Variants in NRG3 observed in about 807,000 individuals in gnomAD.
The protein encoded by NRG3 is pro-neuregulin-3, membrane-bound isoform.
NRG3 carries 31 observed loss-of-function variants against 66.9 expected under a neutral mutation model. The observed-to-expected ratio is 0.46, with a 90% CI of 0.35 to 0.63. The LOEUF (loss-of-function observed/expected upper bound fraction) is 0.63, where lower values mean the gene tolerates loss of function less well. Ranked by LOEUF, NRG3 falls within the 20% of genes least tolerant of loss-of-function variation. The probability of loss-of-function intolerance (pLI) is 0.00; values close to 1 mark genes in which losing one functional copy is unlikely to be tolerated. For missense variants in NRG3, 910 were observed against 878.9 expected, an observed-to-expected ratio of 1.04 and a Z score of -0.45; for synonymous variants, 393 against 359.4, an observed-to-expected ratio of 1.09 and a Z score of -1.06.
chr10:82,790,780 C>A (rs1362617098), intron 3 of NRG3, among the ~76,000 whole-genome samples: 1 of 151,570 alleles, frequency 6.6e-6, no homozygotes, highest in Non-Finnish European at 1.5e-5. Context: ...TTTTTTATTT[C>A]TGTTTCTCAA....
chr10:82,372,488 A>AT (rs2084950929), intron 2 of NRG3, among the ~76,000 whole-genome samples: 1 of 152,222 alleles, frequency 6.6e-6, no homozygotes, highest in Non-Finnish European at 1.5e-5. Flanking sequence ...TGAAATTAAG[A>AT]TTTTTTAAAT....
chr10:81,900,204 C>T (rs1366945619), intron 1 of NRG3, among the ~76,000 whole-genome samples: 2 of 151,792 alleles, frequency 1.3e-5, no homozygotes, highest in East Asian at 3.9e-4. Flanking sequence ...CCGCCTTGGC[C>T]TCCCAAAGTG....
chr10:82,018,224 T>C (rs1014828151), intron 1 of NRG3, among the ~76,000 whole-genome samples: 1 of 152,166 alleles, frequency 6.6e-6, no homozygotes, highest in Non-Finnish European at 1.5e-5. Flanking sequence ...TTGTCAGGTT[T>C]GTCAAAGATC....
intron 1 of NRG3, among the ~76,000 whole-genome samples, chr10:82,294,721 G>T (rs777873102): frequency 1.3e-5 from 2 of 152,062 alleles, no homozygotes; most frequent in Non-Finnish European, 2.9e-5. Context: ...GGGTTCTTCT[G>T]TGATTTTTCC....
rs187271450 is a variant in NRG3 at position 81,969,798 on chromosome 10, T to C, written c.823+93635T>C. Among the ~76,000 whole-genome samples, 330 of 149,994 alleles carry C rather than the reference T, an allele frequency of 2.2e-3. 1 individual carries two copies. Among genetic ancestry groups the C allele is most frequent in the Middle Eastern group, 0.01 (3 of 294 alleles). ...GTGTGTGTGTGTGTGTGTGTGTGTGTGTGCACATGCACTTCTGTGTATATC... is the reference window on the plus strand; with the variant it reads ...GTGTGTGTGTGTGTGTGTGTGTGTGCGTGCACATGCACTTCTGTGTATATC... On this transcript the variant is annotated intron_variant, in intron 1 of 8. Coordinates refer to ENST00000372141, the MANE Select transcript of NRG3 (RefSeq NM_001010848.4).
At chr10:82,232,713 C>G (rs781376355) in intron 1 of NRG3, 1 of 716,648 alleles carries the variant, frequency 1.4e-6, no homozygotes, top group South Asian at 1.5e-5. Context: ...AGGAGAGACT[C>G]GAGAAAATAA....
chr10:81,894,619 G>T (rs1401201837), intron 1 of NRG3, among the ~76,000 whole-genome samples: 1 of 152,116 alleles, frequency 6.6e-6, no homozygotes, highest in African/African-American at 2.4e-5. Flanking sequence ...AGAAACACAC[G>T]CACTAATCAA....
chr10:82,910,319 G>A (rs1591922144), intron 4 of NRG3, among the ~76,000 whole-genome samples: 1 of 152,194 alleles, frequency 6.6e-6, no homozygotes, highest in Non-Finnish European at 1.5e-5. Context: ...CGATTTTGGT[G>A]TTATTGCCCC....
At chr10:82,072,498 A>C (rs2064863959) in intron 1 of NRG3, among the ~76,000 whole-genome samples, 1 of 152,250 alleles carries the variant, frequency 6.6e-6, no homozygotes, top group Non-Finnish European at 1.5e-5. Context: ...AGCAGGATAA[A>C]ATTTGTTTTC....
chr10:82,916,164 G>A (rs1261785074), intron 4 of NRG3, among the ~76,000 whole-genome samples: 2 of 152,046 alleles, frequency 1.3e-5, no homozygotes, highest in East Asian at 3.9e-4. Flanking sequence ...TTAAGGTTGG[G>A]GCAATGCCTG....
intron 1 of NRG3, among the ~76,000 whole-genome samples, chr10:81,936,754 C>CT (rs1386115717): frequency 6.6e-6 from 1 of 152,064 alleles, no homozygotes; most frequent in Non-Finnish European, 1.5e-5. Flanking sequence ...GTGATTAGTG[C>CT]TTTACCCTCC....
chr10:82,955,506 T>C (rs1333367445), intron 5 of NRG3, among the ~76,000 whole-genome samples: 1 of 151,842 alleles, frequency 6.6e-6, no homozygotes, highest in African/African-American at 2.4e-5. Flanking sequence ...AGTGTTAGAG[T>C]TCTTAGCAGA....
chr10:82,624,716 T>TAC (rs980050973), intron 2 of NRG3, among the ~76,000 whole-genome samples: 7 of 148,310 alleles, frequency 4.7e-5, no homozygotes, highest in Non-Finnish European at 1.0e-4. Context: ...TATATATATA[T>TAC]ACTATATACA....
chr10:81,903,856 CCTCA>C (rs914915161), intron 1 of NRG3, among the ~76,000 whole-genome samples: 47 of 152,018 alleles, frequency 3.1e-4, no homozygotes, highest in Non-Finnish European at 7.4e-5. Flanking sequence ...AACACTGAGC[CCTCA>C]CTCTAAATTT....
At chr10:82,702,152 T>C (rs1156505267) in intron 2 of NRG3, among the ~76,000 whole-genome samples, 1 of 152,192 alleles carries the variant, frequency 6.6e-6, no homozygotes, top group Non-Finnish European at 1.5e-5. Context: ...CAGGCTGTGA[T>C]GCATCTCATC....
chr10:82,481,809 A>G (rs1004199741), intron 2 of NRG3, among the ~76,000 whole-genome samples: 6 of 152,022 alleles, frequency 3.9e-5, no homozygotes, highest in African/African-American at 1.4e-4. Flanking sequence ...ACATGGTAAA[A>G]ACGCATCTCT....
chr10:82,196,091 A>T (rs1245964086), intron 1 of NRG3, among the ~76,000 whole-genome samples: 1 of 152,170 alleles, frequency 6.6e-6, no homozygotes, highest in Non-Finnish European at 1.5e-5. Flanking sequence ...ATCCAGTGTG[A>T]TGTACCTCTG....
chr10:82,025,287 A>G (rs1251605209), intron 1 of NRG3, among the ~76,000 whole-genome samples: 2 of 150,864 alleles, frequency 1.3e-5, no homozygotes, highest in Non-Finnish European at 3.0e-5. Context: ...TATAAGAAAT[A>G]TATATAAGAA....
intron 1 of NRG3, among the ~76,000 whole-genome samples, chr10:81,895,852 T>A (rs1843478066): frequency 6.6e-6 from 1 of 152,152 alleles, no homozygotes; most frequent in Non-Finnish European, 1.5e-5. Flanking sequence ...TATCAAACCA[T>A]CTTATAAACC....
Sources: allele counts gnomAD v4.1 joint callset (sites outside exome capture counted in the v4.1 genomes callset), GRCh38; gene constraint gnomAD v4.1.1; transcripts MANE v1.5; gene names NCBI Gene and HGNC (gene_info 2026-07-23, HGNC 2026-07-21).